Variants in ATP6V0D2 observed in about 807,000 individuals in gnomAD.
ATP6V0D2 encodes the protein ATPase H+ transporting V0 subunit d2.
In ATP6V0D2, 40 loss-of-function variants were observed where a neutral mutation model predicts 40.0. The observed-to-expected ratio is 1.00, with a 90% CI of 0.78 to 1.30. The LOEUF is 1.30. Among genes scored for constraint, ATP6V0D2 ranks in the 50% most tolerant of loss-of-function variants. The pLI is 0.00. For synonymous variants in ATP6V0D2, 179 were observed against 156.3 expected (o/e 1.15, Z -1.08); for missense variants, 470 against 423.1 (o/e 1.11, Z -0.97).
intron 1 of ATP6V0D2, among the ~76,000 whole-genome samples, chr8:86,105,824 T>C (rs961993247): frequency 1.5e-4 from 23 of 151,622 alleles, no homozygotes; most frequent in African/African-American, 5.3e-4. Flanking sequence ...CCGTGTTAGC[T>C]TGGATAGTCT....
At chr8:86,149,799 C>T (rs929440971) in intron 5 of ATP6V0D2, among the ~76,000 whole-genome samples, 2 of 152,096 alleles carry the variant, frequency 1.3e-5, no homozygotes, top group African/African-American at 2.4e-5. Context: ...AGAAGAGACA[C>T]TTGTGACACT....
At chr8:86,125,618 G>T (rs2318396) in intron 2 of ATP6V0D2, among the ~76,000 whole-genome samples, 1 of 151,932 alleles carries the variant, frequency 6.6e-6, no homozygotes, top group African/African-American at 2.4e-5. Context: ...GAAATAAGAC[G>T]ATGGATTGAG....
intron 1 of ATP6V0D2, among the ~76,000 whole-genome samples, chr8:86,108,527 A>G (rs1022693871): frequency 2.0e-5 from 3 of 152,154 alleles, no homozygotes; most frequent in Non-Finnish European, 2.9e-5. Context: ...AATTCAGATA[A>G]TTTCCCTAAG....
chr8:86,117,798 G>T (rs1251799850), intron 2 of ATP6V0D2, among the ~76,000 whole-genome samples: 2 of 152,116 alleles, frequency 1.3e-5, no homozygotes, highest in Non-Finnish European at 2.9e-5. Context: ...TAGCATCCGG[G>T]TCTGAAACAT....
chr8:86,122,325 A>C (rs1420973473), intron 2 of ATP6V0D2, among the ~76,000 whole-genome samples: 1 of 152,214 alleles, frequency 6.6e-6, no homozygotes, highest in Non-Finnish European at 1.5e-5. Context: ...TTTACTAAGA[A>C]TCTGACGTTA....
At chr8:86,140,760 G>A (rs1818960147) in intron 3 of ATP6V0D2, among the ~76,000 whole-genome samples, 1 of 152,092 alleles carries the variant, frequency 6.6e-6, no homozygotes, top group African/African-American at 2.4e-5. Context: ...CTGGTTTCGT[G>A]GAAGACAACT....
Position 86,152,963 on chromosome 8 carries a change from A to T in ATP6V0D2, c.1039A>T (p.Ile347Phe), listed in dbSNP as rs777431472. 3.7e-6 allele frequency: 6 copies of T among 1,601,084 alleles called. No homozygotes were observed. Among genetic ancestry groups the T allele is most frequent in the Non-Finnish European group, 4.3e-6 (5 of 1,175,796 alleles). Residue 347 changes from isoleucine (I) to phenylalanine (F), a missense_variant, in exon 8 of 8, where the codon ATT becomes TTT. Transcript: ENST00000285393. The stretch of plus-strand genomic sequence containing the variant: ...GCATCGAACTAAAATCAACAGTTAC[A>T]TTCCAATTTTATAACCCAAGTAAGG... The part of the protein sequence containing the change: ...QRHRTKINSY[I>F]PIL
chr8:86,144,388 A>G (rs1355831211), intron 5 of ATP6V0D2, among the ~76,000 whole-genome samples: 2 of 152,214 alleles, frequency 1.3e-5, no homozygotes. Flanking sequence ...AATATTTTTC[A>G]TCATTACATT....
chr8:86,151,583 C>T (rs753887785), intron 7 of ATP6V0D2, 43 bp downstream of exon 7: 10 of 1,466,962 alleles, frequency 6.8e-6, no homozygotes, highest in Non-Finnish European at 9.4e-6. Flanking sequence ...TTTTCTCTTA[C>T]TGTGGATTTT....
At chr8:86,139,372 C>G (rs1230343856) in intron 2 of ATP6V0D2, 85 bp from the exon 3 acceptor site, 10 of 1,197,708 alleles carry the variant, frequency 8.3e-6, no homozygotes, top group Non-Finnish European at 1.1e-5. Context: ...CAGTGTGTAC[C>G]TAAAGAGTGT....
At chr8:86,152,426 T>C (rs901823378) in intron 7 of ATP6V0D2, among the ~76,000 whole-genome samples, 1 of 152,216 alleles carries the variant, frequency 6.6e-6, no homozygotes. Context: ...TATAATCTTT[T>C]AGGTATATAC....
intron 2 of ATP6V0D2, 115 bp from the exon 3 acceptor site, chr8:86,139,342 C>T: frequency 1.3e-6 from 1 of 786,400 alleles, no homozygotes; most frequent in Non-Finnish European, 1.9e-6. Flanking sequence ...AAAAGAGACT[C>T]ATGTATTTTC....
chr8:86,150,430 C>A, intron 6 of ATP6V0D2, 142 bp downstream of exon 6: 1 of 857,532 alleles, frequency 1.2e-6, no homozygotes. Flanking sequence ...CTTGCTGAAG[C>A]AATCTCTCCC....
intron 2 of ATP6V0D2, among the ~76,000 whole-genome samples, chr8:86,134,009 G>C (rs1330289471): frequency 6.6e-6 from 1 of 152,008 alleles, no homozygotes; most frequent in Non-Finnish European, 1.5e-5. Context: ...TGAAATCCAG[G>C]CCAAGACATG....
Position 86,113,846 on chromosome 8 carries a change from C to T in ATP6V0D2, c.268C>T (p.Leu90=). ...GEFEYFRNHS[L]EPLSTFLTYM... ...ATTTGAGTATTTCCGGAATCATTCCCTGGAGCCCCTCAGCACATTTCTCAC... is the reference window on the plus strand; with the variant it reads ...ATTTGAGTATTTCCGGAATCATTCCTTGGAGCCCCTCAGCACATTTCTCAC... Residue 90 remains leucine, a synonymous_variant, in exon 2 of 8, where the codon CTG becomes TTG. Transcript: ENST00000285393. The T allele has an allele frequency of 6.2e-7, 1 of 1,613,858 alleles. No homozygotes were observed. Among genetic ancestry groups the T allele is most frequent in the Non-Finnish European group, 8.5e-7 (1 of 1,179,870 alleles).
At chr8:86,107,674 C>T (rs957399613) in intron 1 of ATP6V0D2, among the ~76,000 whole-genome samples, 1 of 152,110 alleles carries the variant, frequency 6.6e-6, no homozygotes, top group African/African-American at 2.4e-5. Context: ...CATTACAGTA[C>T]CAAAACAATT....
intron 2 of ATP6V0D2, among the ~76,000 whole-genome samples, chr8:86,117,482 G>T (rs561966203): frequency 3.2e-4 from 48 of 152,284 alleles, no homozygotes; most frequent in Non-Finnish European, 5.9e-4. Flanking sequence ...AAGACCATAG[G>T]TCAAGGAAGG....
intron 2 of ATP6V0D2, among the ~76,000 whole-genome samples, chr8:86,136,663 T>G (rs562459059): frequency 6.6e-6 from 1 of 152,282 alleles, no homozygotes; most frequent in East Asian, 1.9e-4. Flanking sequence ...CTTCAAAATC[T>G]TCTCTAGTTA....
Position 86,139,550 on chromosome 8 carries a change from G to C in ATP6V0D2, c.396G>C (p.Leu132Phe). 1.2e-6 allele frequency: 2 copies of C among 1,613,724 alleles called. No homozygotes were observed. The highest frequency in any genetic ancestry group is 1.7e-6 in the Non-Finnish European group (2 of 1,179,848). Residue 132 changes from leucine (L) to phenylalanine (F), a missense_variant, in exon 3 of 8, where the codon TTG (leucine) becomes TTC (phenylalanine). Transcript: ENST00000285393. Reference protein sequence around the residue: ...VKEILGKCHPLGRFTEMEAVN... With the variant: ...VKEILGKCHPFGRFTEMEAVN... ...AAATTCTGGGGAAGTGCCACCCCTT[G>C]GGCCGTTTCACAGAAATGGAAGCTG...
Sources: allele counts gnomAD v4.1 joint callset (sites outside exome capture counted in the v4.1 genomes callset), GRCh38; gene constraint gnomAD v4.1.1; transcripts MANE v1.5; gene names NCBI Gene and HGNC (gene_info 2026-07-23, HGNC 2026-07-21).